PTAFR: variants seen among roughly 807,000 people sequenced by gnomAD.
The protein encoded by PTAFR is platelet activating factor receptor.
Under a neutral mutation model 14.7 loss-of-function variants are expected in PTAFR, and 8 were observed. That is an observed-to-expected ratio of 0.54 (90% CI 0.32 to 0.98). PTAFR has a LOEUF of 0.98. Among genes scored for constraint, PTAFR ranks in the 50% least tolerant of loss-of-function variants. PTAFR has a pLI of 0.04. For synonymous variants in PTAFR, 156 were observed against 176.5 expected (o/e 0.88, Z 0.92); for missense variants, 337 against 451.2 (o/e 0.75, Z 2.29).
chr1:28,174,075 A>G (rs1438771961), intron 1 of PTAFR, among the ~76,000 whole-genome samples: 1 of 152,054 alleles, frequency 6.6e-6, no homozygotes, highest in Non-Finnish European at 1.5e-5. Flanking sequence ...CCACAGACAC[A>G]CATGCACACA....
At position 28,193,349 on chromosome 1, in the gene PTAFR, A is replaced by G. The variant is rs995999767; in HGVS notation, c.-39+373T>C. On this transcript the variant is annotated intron_variant, in intron 1 of 1. Transcript: ENST00000305392. ...GGTTAGGATCTGCATCATGTGAGGC[A>G]ATATTGTCCGTTGGTGCCCGTTCGT... Among the ~76,000 whole-genome samples the G allele has an allele frequency of 4.6e-5, 7 of 152,132 alleles. No homozygotes were observed. In the East Asian group the frequency reaches 7.7e-4, roughly 17 times the overall value.
chr1:28,184,877 T>C (rs929584485), intron 1 of PTAFR, among the ~76,000 whole-genome samples: 5 of 152,072 alleles, frequency 3.3e-5, no homozygotes, highest in African/African-American at 9.7e-5. Flanking sequence ...TGACCTCAAG[T>C]GATCCACCTA....
At chr1:28,159,482 C>T (rs1344022590) in intron 1 of PTAFR, among the ~76,000 whole-genome samples, 1 of 152,104 alleles carries the variant, frequency 6.6e-6, no homozygotes, top group African/African-American at 2.4e-5. Flanking sequence ...AGAGCAGTTG[C>T]CCAGGCATGG....
At chr1:28,167,633 A>ATTTTTTTTTTTTTTTTTTTTTTTT (rs780344665) in intron 1 of PTAFR, among the ~76,000 whole-genome samples, 1 of 80,234 alleles carries the variant, frequency 1.2e-5, no homozygotes, top group African/African-American at 5.5e-5. Context: ...TGAAAACGGG[A>ATTTTTTTTTTTTTTTTTTTTTTTT]TTTTTTTTTT....
intron 1 of PTAFR, among the ~76,000 whole-genome samples, chr1:28,169,791 G>A (rs1646432004): frequency 6.6e-6 from 1 of 152,152 alleles, no homozygotes; most frequent in Non-Finnish European, 1.5e-5. Flanking sequence ...CTTGAGGTAA[G>A]GAGTTCGAGA....
chr1:28,175,404 C>T (rs916054097), intron 1 of PTAFR, among the ~76,000 whole-genome samples: 2 of 151,984 alleles, frequency 1.3e-5, no homozygotes, highest in Non-Finnish European at 2.9e-5. Context: ...AGTGGTGTCT[C>T]TTTTGCTTCT....
chr1:28,179,381 C>T (rs1646544858), upstream of PTAFR, among the ~76,000 whole-genome samples: 1 of 152,210 alleles, frequency 6.6e-6, no homozygotes, highest in Non-Finnish European at 1.5e-5. Flanking sequence ...AGATCAGCAC[C>T]TCTTTTGAGA....
chr1:28,180,241 A>T (rs868697252), upstream of PTAFR, among the ~76,000 whole-genome samples: 1 of 152,092 alleles, frequency 6.6e-6, no homozygotes, highest in Non-Finnish European at 1.5e-5. Flanking sequence ...GAGGATGGAC[A>T]TGGTGGCTCA....
At chr1:28,154,811 C>CAAAA (rs35917959) in intron 1 of PTAFR, among the ~76,000 whole-genome samples, 1 of 37,292 alleles carries the variant, frequency 2.7e-5, no homozygotes, top group African/African-American at 1.1e-4. Context: ...GACTCTGTCT[C>CAAAA]AAAAAAAAAA....
At chr1:28,180,827 G>A (rs1028894823), upstream of PTAFR, among the ~76,000 whole-genome samples, 3 of 151,028 alleles carry the variant, frequency 2.0e-5, no homozygotes, top group African/African-American at 7.3e-5. Context: ...AAGAAAGGAA[G>A]GAGAGAGAAA....
intron 1 of PTAFR, among the ~76,000 whole-genome samples, chr1:28,192,638 T>G (rs561539189): frequency 9.2e-4 from 129 of 139,616 alleles, no homozygotes; most frequent in African/African-American, 2.5e-3. Flanking sequence ...AAATGCTGGG[T>G]TTTTTTTTTG....
At chr1:28,182,034 G>A (rs904715420) in intron 1 of PTAFR, among the ~76,000 whole-genome samples, 2 of 151,106 alleles carry the variant, frequency 1.3e-5, no homozygotes, top group African/African-American at 2.4e-5. Flanking sequence ...AAACAAAAGG[G>A]AAAAAAAAGA....
At chr1:28,162,949 G>A (rs936159614) in intron 1 of PTAFR, among the ~76,000 whole-genome samples, 3 of 151,988 alleles carry the variant, frequency 2.0e-5, no homozygotes, top group Non-Finnish European at 4.4e-5. Flanking sequence ...CACTTGCCTG[G>A]GCTAACATCT....
chr1:28,190,197 C>T (rs527590029), intron 1 of PTAFR, among the ~76,000 whole-genome samples: 10 of 150,034 alleles, frequency 6.7e-5, no homozygotes, highest in Admixed American at 3.4e-4. Flanking sequence ...GTCTCAAACT[C>T]CCGACCTCAG....
intron 1 of PTAFR, among the ~76,000 whole-genome samples, chr1:28,173,308 G>A (rs1229535351): frequency 3.9e-5 from 3 of 76,044 alleles, no homozygotes; most frequent in Non-Finnish European, 7.6e-5. Flanking sequence ...AGGGGGGGGG[G>A]TGTGCGGGGG....
intron 1 of PTAFR, among the ~76,000 whole-genome samples, chr1:28,184,124 A>T (rs1646586749): frequency 8.7e-6 from 1 of 114,852 alleles, no homozygotes; most frequent in Non-Finnish European, 1.6e-5. Flanking sequence ...CTGGAGTCTC[A>T]TTCTGTCACC....
intron 1 of PTAFR, among the ~76,000 whole-genome samples, chr1:28,186,958 AT>A (rs1262985607): frequency 6.6e-6 from 1 of 151,860 alleles, no homozygotes; most frequent in Non-Finnish European, 1.5e-5. Context: ...ACAGAGTGGT[AT>A]TTTTTTCTTT....
chr1:28,154,021 T>C (rs1646230158), intron 1 of PTAFR, among the ~76,000 whole-genome samples: 1 of 143,986 alleles, frequency 6.9e-6, no homozygotes, highest in African/African-American at 2.6e-5. Flanking sequence ...GCCACTGACA[T>C]TCCAGCCTAG....
intron 1 of PTAFR, among the ~76,000 whole-genome samples, chr1:28,164,957 A>G (rs564839330): frequency 3.7e-4 from 57 of 152,366 alleles, no homozygotes; most frequent in African/African-American, 1.3e-3. Flanking sequence ...GAGCTGGGTC[A>G]GATCCTGGTT....
Sources: gnomAD v4.1 joint callset for allele counts (sites outside exome capture counted in the v4.1 genomes callset) on GRCh38, gnomAD v4.1.1 for gene constraint, MANE v1.5 for transcripts, NCBI Gene and HGNC (gene_info 2026-07-23, HGNC 2026-07-21) for gene names.